The following GABRG3 variants were observed in gnomAD, a reference collection of about 807,000 sequenced individuals.
GABRG3 encodes the protein gamma-aminobutyric acid type A receptor subunit gamma3, also known as gamma-aminobutyric acid receptor subunit gamma-3.
In GABRG3, 25 loss-of-function variants were observed where a neutral mutation model predicts 48.8. The ratio of observed to expected loss-of-function variants is 0.51; its 90% CI spans 0.37 to 0.72. The LOEUF (loss-of-function observed/expected upper bound fraction) is 0.72, where lower values mean the gene tolerates loss of function less well. Ranked by LOEUF, GABRG3 falls within the 30% of genes least tolerant of loss-of-function variation. The probability of loss-of-function intolerance (pLI) is 0.00; values close to 1 mark genes in which losing one functional copy is unlikely to be tolerated. For synonymous variants in GABRG3, 227 were observed against 217.6 expected, an observed-to-expected ratio of 1.04 and a Z score of -0.38; for missense variants, 394 against 577.9, an observed-to-expected ratio of 0.68 and a Z score of 3.26.
At chr15:27,005,910 T>C in intron 2 of GABRG3, among the ~76,000 whole-genome samples, 1 of 152,180 alleles carries the variant, frequency 6.6e-6, no homozygotes, top group East Asian at 1.9e-4. Flanking sequence ...GGATGCAAAC[T>C]TTCCATAAAA....
chr15:27,306,682 A>C, intron 3 of GABRG3, among the ~76,000 whole-genome samples: 1 of 28,686 alleles, frequency 3.5e-5, no homozygotes, highest in Admixed American at 2.8e-4. Flanking sequence ...ATAAACATAT[A>C]TATGAACATG....
At chr15:27,120,003 A>G (rs1336072972) in intron 3 of GABRG3, among the ~76,000 whole-genome samples, 1 of 152,224 alleles carries the variant, frequency 6.6e-6, no homozygotes, top group Non-Finnish European at 1.5e-5. Context: ...GTCATACTCA[A>G]GAGGTGGGGA....
chr15:27,517,332 C>T (rs1014176622), intron 6 of GABRG3, among the ~76,000 whole-genome samples: 1 of 152,240 alleles, frequency 6.6e-6, no homozygotes, highest in Non-Finnish European at 1.5e-5. Context: ...ATGCACCCAA[C>T]ACTGGGACTT....
chr15:27,143,923 C>T (rs369812081), intron 3 of GABRG3, among the ~76,000 whole-genome samples: 14 of 151,944 alleles, frequency 9.2e-5, no homozygotes, highest in African/African-American at 1.9e-4. Flanking sequence ...AACTAGAAAA[C>T]GGGAAATTTA....
At chr15:27,147,844 C>T (rs1898237936) in intron 3 of GABRG3, among the ~76,000 whole-genome samples, 1 of 151,906 alleles carries the variant, frequency 6.6e-6, no homozygotes, top group Non-Finnish European at 1.5e-5. Flanking sequence ...AAATAGATAG[C>T]TGCAGTTGAC....
At chr15:27,152,244 T>G (rs1019029294) in intron 3 of GABRG3, among the ~76,000 whole-genome samples, 2 of 152,196 alleles carry the variant, frequency 1.3e-5, no homozygotes, top group African/African-American at 4.8e-5. Context: ...CTATGTTTCC[T>G]CCATGAAATC....
chr15:27,087,270 G>A (rs1242963067), intron 3 of GABRG3, among the ~76,000 whole-genome samples: 1 of 152,218 alleles, frequency 6.6e-6, no homozygotes, highest in Non-Finnish European at 1.5e-5. Flanking sequence ...TGACCTCTGG[G>A]GACTTGGTGC....
intron 3 of GABRG3, among the ~76,000 whole-genome samples, chr15:27,066,877 G>A (rs1896746549): frequency 6.6e-6 from 1 of 152,184 alleles, no homozygotes; most frequent in South Asian, 2.1e-4. Context: ...ATACACTGCT[G>A]CTATCTGTAA....
At chr15:27,350,478 C>G (rs1894526919) in intron 5 of GABRG3, 1 of 282,072 alleles carries the variant, frequency 3.5e-6, no homozygotes, top group African/African-American at 2.2e-5. Context: ...TAAGCAGAAG[C>G]CTTCTGTCCT....
intron 3 of GABRG3, among the ~76,000 whole-genome samples, chr15:27,233,247 C>A (rs1271053164): frequency 6.6e-6 from 1 of 152,190 alleles, no homozygotes; most frequent in Non-Finnish European, 1.5e-5. Flanking sequence ...TTTTAATTTC[C>A]AGTGGTTTTA....
At chr15:27,470,892 C>T (rs1038300346) in intron 5 of GABRG3, among the ~76,000 whole-genome samples, 1 of 145,610 alleles carries the variant, frequency 6.9e-6, no homozygotes, top group Non-Finnish European at 1.5e-5. Flanking sequence ...TTCTCAAATC[C>T]TAGTATATGG....
At chr15:27,455,560 G>A (rs1012257752) in intron 5 of GABRG3, among the ~76,000 whole-genome samples, 1 of 151,840 alleles carries the variant, frequency 6.6e-6, no homozygotes, top group Non-Finnish European at 1.5e-5. Context: ...GTGAGTTTGT[G>A]TGTGGTGTGT....
intron 2 of GABRG3, among the ~76,000 whole-genome samples, chr15:27,015,958 G>C (rs1233390164): frequency 6.6e-6 from 1 of 152,058 alleles, no homozygotes; most frequent in Non-Finnish European, 1.5e-5. Flanking sequence ...ATGTCTTTAA[G>C]ACTTGTCTGC....
rs556894551 is a variant in GABRG3, at chr15:27,115,925, C to T, written c.270+89104C>T. Among the ~76,000 whole-genome samples, 68 of 152,242 alleles carry T rather than the reference C, an allele frequency of 4.5e-4. No homozygotes were observed. The Middle Eastern group carries it at 0.01, about 23-fold the overall frequency. On this transcript the variant is annotated intron_variant, in intron 3 of 9. Coordinates refer to ENST00000615808, the MANE Select transcript of GABRG3 (RefSeq NM_033223.5). Reference sequence around the variant, plus strand: ...TCAGATTTTACTCAAGACACTGTTACGGTAGGAAAATGAAGCCCTCAGTGC... The same window carrying T: ...TCAGATTTTACTCAAGACACTGTTATGGTAGGAAAATGAAGCCCTCAGTGC...
At chr15:27,052,151 C>T (rs558178352) in intron 3 of GABRG3, among the ~76,000 whole-genome samples, 1 of 152,300 alleles carries the variant, frequency 6.6e-6, no homozygotes, top group Admixed American at 6.5e-5. Flanking sequence ...GCCCCCTGAT[C>T]TAAGAGGAAG....
intron 3 of GABRG3, among the ~76,000 whole-genome samples, chr15:27,153,142 T>C (rs1427497844): frequency 2.0e-5 from 3 of 152,208 alleles, no homozygotes; most frequent in Non-Finnish European, 2.9e-5. Flanking sequence ...ATTACAGGCG[T>C]GAGCCACGGC....
intron 3 of GABRG3, among the ~76,000 whole-genome samples, chr15:27,168,697 A>G (rs1279783728): frequency 4.6e-5 from 7 of 152,310 alleles, no homozygotes; most frequent in Non-Finnish European, 1.0e-4. Context: ...TATCCCTTCC[A>G]CTGTGTGGGG....
At chr15:27,020,628 A>G (rs1432214551) in intron 2 of GABRG3, among the ~76,000 whole-genome samples, 2 of 151,724 alleles carry the variant, frequency 1.3e-5, no homozygotes, top group African/African-American at 2.4e-5. Context: ...TGTGTTAGCC[A>G]GGATGGTCTC....
chr15:26,988,029 A>C (rs1311338421), intron 2 of GABRG3, among the ~76,000 whole-genome samples: 2 of 152,224 alleles, frequency 1.3e-5, no homozygotes, highest in Non-Finnish European at 2.9e-5. Flanking sequence ...ACATACTCTG[A>C]ATAACATAAA....
Sources: gnomAD v4.1 joint callset for allele counts (sites outside exome capture counted in the v4.1 genomes callset) on GRCh38, gnomAD v4.1.1 for gene constraint, MANE v1.5 for transcripts, NCBI Gene and HGNC (gene_info 2026-07-23, HGNC 2026-07-21) for gene names.